Variants in NAA60 observed in about 807,000 individuals in gnomAD.
NAA60 encodes the protein N-alpha-acetyltransferase 60, NatF catalytic subunit, also known as N-alpha-acetyltransferase 60.
In NAA60, 8 loss-of-function variants were observed where a neutral mutation model predicts 26.1. That is an observed-to-expected ratio of 0.31 (90% CI 0.18 to 0.55). The LOEUF is 0.55. Among genes scored for constraint, NAA60 ranks in the 20% least tolerant of loss-of-function variants. The pLI, the probability that NAA60 is intolerant of heterozygous loss-of-function variation, is 0.93. For missense variants in NAA60, 290 were observed against 311.3 expected (o/e 0.93, Z 0.51); for synonymous variants, 131 against 122.5 (o/e 1.07, Z -0.46).
At chr16:3,454,639 G>GA (rs1252724965) in intron 2 of NAA60, among the ~76,000 whole-genome samples, 2 of 152,224 alleles carry the variant, frequency 1.3e-5, no homozygotes, top group East Asian at 3.8e-4. Flanking sequence ...AAAAAAGAGA[G>GA]AGAGAAAGGA....
chr16:3,474,607 G>T (rs1255805195), intron 2 of NAA60, among the ~76,000 whole-genome samples: 2 of 152,228 alleles, frequency 1.3e-5, no homozygotes, highest in Non-Finnish European at 2.9e-5. Flanking sequence ...CAGAGAGGCT[G>T]GGCTCGCCCT....
intron 4 of NAA60, 79 bp from the exon 5 acceptor site, chr16:3,482,423 G>A: frequency 2.5e-6 from 3 of 1,195,730 alleles, no homozygotes; most frequent in Non-Finnish European, 3.6e-6. Flanking sequence ...AGTCGGTGCG[G>A]AGCCCGCCTG....
intron 3 of NAA60, among the ~76,000 whole-genome samples, chr16:3,478,211 G>C (rs2036605779): frequency 6.6e-6 from 1 of 152,154 alleles, no homozygotes; most frequent in African/African-American, 2.4e-5. Context: ...ACTCCAGTCT[G>C]GGTGACAGAG....
intron 3 of NAA60, among the ~76,000 whole-genome samples, chr16:3,477,209 G>C (rs1481784258): frequency 6.6e-6 from 1 of 152,202 alleles, no homozygotes; most frequent in Non-Finnish European, 1.5e-5. Context: ...CCATTTAACA[G>C]TGTTTCAGTA....
chr16:3,443,664 C>G, upstream of NAA60: 1 of 1,351,204 alleles, frequency 7.4e-7, no homozygotes, highest in South Asian at 1.7e-5. Context: ...TCCTCCTTTT[C>G]TCTAAGCAAC....
intron 2 of NAA60, among the ~76,000 whole-genome samples, chr16:3,473,643 A>G (rs1174869318): frequency 2.0e-5 from 3 of 152,180 alleles, no homozygotes; most frequent in South Asian, 4.1e-4. Flanking sequence ...CAAGCAGTCC[A>G]CCTGCCTGGA....
chr16:3,460,021 G>C lies in NAA60; in HGVS notation c.-7+11481G>C, dbSNP rs943209786. ...CCCTGTTCTTGCTAACTGGGTGCTC[G>C]TAACTGGAGACGGGGTGTACCTGTT... is the stretch of plus-strand genomic sequence containing the variant. On this transcript the variant is annotated intron_variant, in intron 2 of 7. Coordinates refer to ENST00000407558, the MANE Select transcript of NAA60 (RefSeq NM_001083601.3). Among the ~76,000 whole-genome samples, 5 of 152,180 alleles carry C rather than the reference G, an allele frequency of 3.3e-5. No homozygotes were observed. The East Asian group carries it at 9.6e-4, about 29-fold the overall frequency.
chr16:3,478,229 C>A (rs1220831577), intron 3 of NAA60, among the ~76,000 whole-genome samples: 1 of 152,096 alleles, frequency 6.6e-6, no homozygotes, highest in Non-Finnish European at 1.5e-5. Flanking sequence ...GAGTGAGACT[C>A]CATCTCAAAA....
intron 1 of NAA60, among the ~76,000 whole-genome samples, chr16:3,444,473 G>C (rs1196161710): frequency 6.6e-6 from 1 of 152,132 alleles, no homozygotes; most frequent in Non-Finnish European, 1.5e-5. Flanking sequence ...GAAAATGATA[G>C]GTACCTTGAT....
At chr16:3,461,831 A>G (rs1450997647) in intron 2 of NAA60, among the ~76,000 whole-genome samples, 2 of 152,290 alleles carry the variant, frequency 1.3e-5, no homozygotes, top group Non-Finnish European at 2.9e-5. Flanking sequence ...GGCCAGGCAC[A>G]GGGGCCCAGC....
chr16:3,448,409 T>G, intron 1 of NAA60, 62 bp from the exon 2 acceptor site: 875 of 1,363,424 alleles, frequency 6.4e-4, no homozygotes, highest in Non-Finnish European at 8.0e-4. Context: ...CATTAGCCTA[T>G]GAGTTGTAGA....
intron 2 of NAA60, among the ~76,000 whole-genome samples, chr16:3,449,245 G>A (rs1217478316): frequency 3.3e-5 from 5 of 152,168 alleles, no homozygotes; most frequent in South Asian, 2.1e-4. Flanking sequence ...TGTGCTGGGC[G>A]TGGTGGCTCA....
chr16:3,484,598 C>T (rs771473816), intron 6 of NAA60, 101 bp from the exon 7 acceptor site: 29 of 1,456,520 alleles, frequency 2.0e-5, no homozygotes, highest in Middle Eastern at 1.9e-4. Flanking sequence ...CCTGGCTTGC[C>T]ATCTGCACAC....
intron 1 of NAA60, among the ~76,000 whole-genome samples, chr16:3,444,111 C>G (rs980019813): frequency 6.6e-6 from 1 of 152,188 alleles, no homozygotes; most frequent in East Asian, 1.9e-4. Flanking sequence ...CTTCAGCTTC[C>G]TAGTCACAGG....
chr16:3,458,256 C>CCGCGCCGGGGTCAGGGGGGCCAGCG (rs2150958392), intron 2 of NAA60: 1 of 918,952 alleles, frequency 1.1e-6, no homozygotes, highest in East Asian at 1.2e-4. Flanking sequence ...GGCGGGGAGG[C>CCGCGCCGGGGTCAGGGGGGCCAGCG]CGCGCCGGGG....
intron 2 of NAA60, among the ~76,000 whole-genome samples, chr16:3,475,762 G>A (rs747265708): frequency 3.3e-4 from 50 of 152,182 alleles, no homozygotes; most frequent in Non-Finnish European, 6.9e-4. Flanking sequence ...AAATCCAGCC[G>A]TTCACTGCCC....
chr16:3,479,688 A>G, intron 4 of NAA60, 88 bp downstream of exon 4: 1 of 1,488,722 alleles, frequency 6.7e-7, no homozygotes, highest in Non-Finnish European at 9.1e-7. Context: ...TGCCTGCTCC[A>G]CAGCCGTCGT....
chr16:3,482,452 G>A (rs1339310123), intron 4 of NAA60, 50 bp from the exon 5 acceptor site: 1 of 1,445,778 alleles, frequency 6.9e-7, no homozygotes, highest in African/African-American at 1.4e-5. Flanking sequence ...TGTGCAGTGA[G>A]CCGTGCACCA....
chr16:3,470,200 G>T (rs987216453), intron 2 of NAA60, among the ~76,000 whole-genome samples: 1 of 152,206 alleles, frequency 6.6e-6, no homozygotes, highest in African/African-American at 2.4e-5. Flanking sequence ...ACCTCTGAGG[G>T]GCTGGGAAAT....
Sources: allele counts gnomAD v4.1 joint callset (sites outside exome capture counted in the v4.1 genomes callset), GRCh38; gene constraint gnomAD v4.1.1; transcripts MANE v1.5; gene names NCBI Gene and HGNC (gene_info 2026-07-23, HGNC 2026-07-21).